Variants in PTPRD observed in about 807,000 individuals in gnomAD.
PTPRD encodes receptor-type tyrosine-protein phosphatase delta.
Under a neutral mutation model 214.5 loss-of-function variants are expected in PTPRD, and 34 were observed. That is an observed-to-expected ratio of 0.16 (90% CI 0.12 to 0.21). The LOEUF (loss-of-function observed/expected upper bound fraction) is 0.21. Ranked by LOEUF, PTPRD falls within the 10% of genes least tolerant of loss-of-function variation. The pLI is 1.00. For synonymous variants in PTPRD, 1,128 were observed against 845.7 expected (o/e 1.33, Z -5.79); for missense variants, 2,545 against 2,398.7 (o/e 1.06, Z -1.27).
At chr9:10,467,582 G>A (rs2099003062) in intron 2 of PTPRD, among the ~76,000 whole-genome samples, 1 of 152,068 alleles carries the variant, frequency 6.6e-6, no homozygotes, top group African/African-American at 2.4e-5. Context: ...ATATAAACGT[G>A]TGTGTACATG....
At chr9:9,737,332 G>A (rs2098316839) in intron 6 of PTPRD, among the ~76,000 whole-genome samples, 1 of 152,024 alleles carries the variant, frequency 6.6e-6, no homozygotes, top group Admixed American at 6.6e-5. Context: ...CTTTCAATAT[G>A]AGTGTGTTGA....
chr9:10,244,227 A>C (rs1015197381), intron 3 of PTPRD, among the ~76,000 whole-genome samples: 1 of 152,094 alleles, frequency 6.6e-6, no homozygotes, highest in Admixed American at 6.6e-5. Context: ...ATTCTTTTAC[A>C]TCAAACATAC....
intron 12 of PTPRD, among the ~76,000 whole-genome samples, chr9:8,690,977 T>C (rs2097788727): frequency 6.6e-6 from 1 of 152,044 alleles, no homozygotes; most frequent in Admixed American, 6.5e-5. Context: ...TCAAGGGAGG[T>C]ATTAGTAAAT....
intron 11 of PTPRD, among the ~76,000 whole-genome samples, chr9:8,892,250 T>C (rs16928565): frequency 0.03 from 4,624 of 152,186 alleles, 235 homozygotes; most frequent in African/African-American, 0.1. Flanking sequence ...TTCTGGCATA[T>C]GACTTCTCTA....
At chr9:10,457,874 G>C (rs1362551411) in intron 2 of PTPRD, among the ~76,000 whole-genome samples, 1 of 151,870 alleles carries the variant, frequency 6.6e-6, no homozygotes, top group Admixed American at 6.6e-5. Flanking sequence ...ATAGAGATAA[G>C]ACTTATATAT....
intron 8 of PTPRD, among the ~76,000 whole-genome samples, chr9:9,555,776 A>T (rs1351421293): frequency 6.6e-6 from 1 of 152,186 alleles, no homozygotes; most frequent in East Asian, 1.9e-4. Flanking sequence ...CCATTATATT[A>T]TATGAGAAAA....
rs2054487202 is a variant in PTPRD at position 10,526,965 on chromosome 9, CCTTT to C, written c.-600+85429_-600+85432del. On this transcript the variant is annotated intron_variant, in intron 2 of 45. Transcript: ENST00000381196. Reference sequence around the variant, plus strand: ...ACATGGGTCCAGAAATCCAGTTTCTCCTTTCTAACTACTATTCTTATTCCTCTTA... The same window carrying C: ...ACATGGGTCCAGAAATCCAGTTTCTCCTAACTACTATTCTTATTCCTCTTA... Among the ~76,000 whole-genome samples, 4 of 152,194 alleles carry C rather than the reference CCTTT, an allele frequency of 2.6e-5. No individual in the cohort carries two copies. The South Asian group carries it at 8.3e-4, about 32-fold the overall frequency.
chr9:9,280,743 T>C (rs904576057), intron 9 of PTPRD, among the ~76,000 whole-genome samples: 1 of 151,272 alleles, frequency 6.6e-6, no homozygotes, highest in Non-Finnish European at 1.5e-5. Flanking sequence ...CTAATAAAAA[T>C]CTCAATAACT....
At chr9:10,194,813 A>T (rs1225757531) in intron 3 of PTPRD, among the ~76,000 whole-genome samples, 1 of 152,134 alleles carries the variant, frequency 6.6e-6, no homozygotes, top group Non-Finnish European at 1.5e-5. Context: ...ACAGTATTTC[A>T]AACACTCTTC....
intron 35 of PTPRD, among the ~76,000 whole-genome samples, chr9:8,419,750 A>C (rs1195844083): frequency 6.6e-6 from 1 of 151,824 alleles, no homozygotes; most frequent in African/African-American, 2.4e-5. Flanking sequence ...GCTTAGAGAA[A>C]CCCTAAGAAG....
At chr9:9,180,882 G>A (rs528505479) in intron 10 of PTPRD, among the ~76,000 whole-genome samples, 2 of 152,088 alleles carry the variant, frequency 1.3e-5, no homozygotes, top group African/African-American at 4.8e-5. Context: ...AATTTTTGTA[G>A]ACAATATGGA....
At chr9:9,673,170 G>A (rs992655000) in intron 7 of PTPRD, among the ~76,000 whole-genome samples, 4 of 151,870 alleles carry the variant, frequency 2.6e-5, no homozygotes, top group Admixed American at 6.6e-5. Context: ...TCAAAATCCT[G>A]TTAATAATCT....
chr9:8,621,716 C>T, intron 14 of PTPRD, among the ~76,000 whole-genome samples: 1 of 151,694 alleles, frequency 6.6e-6, no homozygotes, highest in Non-Finnish European at 1.5e-5. Context: ...CATAGTAAGT[C>T]AGCTGTAGCA....
chr9:9,760,639 CACACACACACACACATATAT>C (rs1330407475), intron 6 of PTPRD, among the ~76,000 whole-genome samples: 60 of 137,086 alleles, frequency 4.4e-4, no homozygotes, highest in African/African-American at 1.6e-3. Flanking sequence ...CACACACACA[CACACACACACACACATATAT>C]ATATATATTC....
intron 4 of PTPRD, among the ~76,000 whole-genome samples, chr9:9,961,598 C>T (rs1233890658): frequency 6.6e-6 from 1 of 152,004 alleles, no homozygotes; most frequent in Non-Finnish European, 1.5e-5. Flanking sequence ...ATTATTTTTG[C>T]CCTTACAGTG....
chr9:9,287,954 T>G (rs990195157), intron 9 of PTPRD, among the ~76,000 whole-genome samples: 1 of 151,766 alleles, frequency 6.6e-6, no homozygotes, highest in Admixed American at 6.6e-5. Flanking sequence ...TTTCCCCATC[T>G]GCTTTCCAAA....
At chr9:10,081,954 T>G (rs2098245702) in intron 3 of PTPRD, among the ~76,000 whole-genome samples, 1 of 152,100 alleles carries the variant, frequency 6.6e-6, no homozygotes, top group Admixed American at 6.6e-5. Flanking sequence ...CTAAAAAATT[T>G]ACACTTAGGC....
chr9:8,781,854 T>C (rs940413519), intron 11 of PTPRD, among the ~76,000 whole-genome samples: 2 of 152,206 alleles, frequency 1.3e-5, no homozygotes, highest in Non-Finnish European at 2.9e-5. Flanking sequence ...TGAAAGGTCC[T>C]TCCATGTCAC....
intron 2 of PTPRD, among the ~76,000 whole-genome samples, chr9:10,544,938 G>A (rs2059881411): frequency 6.6e-6 from 1 of 152,108 alleles, no homozygotes; most frequent in Non-Finnish European, 1.5e-5. Flanking sequence ...AGAAAAACAA[G>A]CACATAAATA....
Sources: allele counts gnomAD v4.1 joint callset (sites outside exome capture counted in the v4.1 genomes callset), GRCh38; gene constraint gnomAD v4.1.1; transcripts MANE v1.5; gene names NCBI Gene and HGNC (gene_info 2026-07-23, HGNC 2026-07-21).